CFAP43: variants seen among roughly 807,000 people sequenced by gnomAD.
CFAP43 encodes the protein cilia and flagella associated protein 43, also known as cilia- and flagella-associated protein 43.
A neutral mutation model predicts 218.9 loss-of-function variants in CFAP43; 155 were observed. The ratio of observed to expected loss-of-function variants is 0.71; its 90% CI spans 0.62 to 0.81. The LOEUF is 0.81. Among genes scored for constraint, CFAP43 ranks in the 30% least tolerant of loss-of-function variants. The probability of loss-of-function intolerance (pLI) is 0.00; values close to 1 mark genes in which losing one functional copy is unlikely to be tolerated. For missense variants in CFAP43, 1,778 were observed against 1,954.3 expected (o/e 0.91, Z 1.70); for synonymous variants, 645 against 681.3 (o/e 0.95, Z 0.83).
chr10:104,148,022 G>A (rs761777502), intron 28 of CFAP43, 24 bp from the exon 29 acceptor site: 20 of 1,495,626 alleles, frequency 1.3e-5, no homozygotes, highest in Admixed American at 2.0e-5. Context: ...TAAGAAAAAG[G>A]TTGGTGGAAT....
At chr10:104,162,591 C>T (rs1170638856) in intron 24 of CFAP43, among the ~76,000 whole-genome samples, 188 bp from the exon 25 acceptor site, 1 of 152,022 alleles carries the variant, frequency 6.6e-6, no homozygotes, top group Non-Finnish European at 1.5e-5. Flanking sequence ...TAGATCTTTA[C>T]TTCTCTATTA....
chr10:104,182,348 G>A lies in CFAP43; in HGVS notation c.2289+18C>T, dbSNP rs368496660. The A allele has an allele frequency of 6.5e-7, 1 of 1,547,192 alleles. No individual in the cohort carries two copies. The highest frequency in any genetic ancestry group is 8.7e-7 in the Non-Finnish European group (1 of 1,153,382). Reference sequence around the variant, plus strand: ...GAAAGAAATGTAAGCAAGCAAGCTAGTCATATAGGAACTCAACTGTGTGTT... The same window carrying A: ...GAAAGAAATGTAAGCAAGCAAGCTAATCATATAGGAACTCAACTGTGTGTT... On this transcript the variant is annotated intron_variant, in intron 17 of 37. Coordinates refer to ENST00000357060, the MANE Select transcript of CFAP43 (RefSeq NM_025145.7).
rs138231516 is a variant in CFAP43, at chr10:104,207,112, G to T, written c.895+553C>A. Among the ~76,000 whole-genome samples the T allele has an allele frequency of 9.6e-3, 1,459 of 152,202 alleles. 28 individuals are homozygous for T. The highest frequency in any genetic ancestry group is 0.034 in the African/African-American group (1,411 of 41,528). ...CGCTTGAACCCAGGAGGCGGAGGTT[G>T]CAGTGAGCCAAGATTGCACCACTGC... On this transcript the variant is annotated intron_variant, in intron 6 of 37. Coordinates refer to ENST00000357060, the MANE Select transcript of CFAP43 (RefSeq NM_025145.7).
chr10:104,208,130 T>G (rs2090752194), intron 5 of CFAP43, among the ~76,000 whole-genome samples: 1 of 152,216 alleles, frequency 6.6e-6, no homozygotes, highest in African/African-American at 2.4e-5. Context: ...ATTAAACTGC[T>G]GCTGAATAGT....
chr10:104,212,026 T>C lies in CFAP43; in HGVS notation c.716A>G (p.Lys239Arg). 6.2e-7 allele frequency: 1 copy of C among 1,613,388 alleles called. No individual in the cohort carries two copies. Among genetic ancestry groups the C allele is most frequent in the East Asian group, 2.2e-5 (1 of 44,826 alleles). Residue 239 changes from lysine to arginine, a missense_variant, in exon 5 of 38, where the codon AAA becomes AGA. Around this residue, in one of 3 missense-constraint regions of CFAP43, gnomAD observed 1,553 missense variants for 1,685.2 expected, o/e 0.92. Coordinates refer to ENST00000357060, the MANE Select transcript of CFAP43 (RefSeq NM_025145.7). Reference sequence around the variant, plus strand: ...AATTACCCGGAAAGTCTCTGCCTCTTTGCCTACCAGCCCGGCAATGGCTGA... The same window carrying C: ...AATTACCCGGAAAGTCTCTGCCTCTCTGCCTACCAGCCCGGCAATGGCTGA... ...PLSAIAGLVG[K>R]EAETFRPKDD...
At chr10:104,224,649 G>A (rs814214) in intron 3 of CFAP43, among the ~76,000 whole-genome samples, 1 of 151,020 alleles carries the variant, frequency 6.6e-6, no homozygotes, top group African/African-American at 2.4e-5. Context: ...CAGCTACTCG[G>A]GAGGCTGAGG....
At chr10:104,195,131 G>C (rs1471421133) in intron 10 of CFAP43, among the ~76,000 whole-genome samples, 2 of 152,318 alleles carry the variant, frequency 1.3e-5, no homozygotes, top group African/African-American at 4.8e-5. Context: ...CTAGTGTCCA[G>C]GTATCTTGAC....
chr10:104,206,252 A>C (rs2134957799), intron 6 of CFAP43, among the ~76,000 whole-genome samples: 1 of 152,296 alleles, frequency 6.6e-6, no homozygotes, highest in South Asian at 2.1e-4. Flanking sequence ...TTGGGAGGGA[A>C]GTGAAACCTC....
intron 16 of CFAP43, among the ~76,000 whole-genome samples, chr10:104,184,064 T>C (rs958651831): frequency 6.6e-6 from 1 of 152,164 alleles, no homozygotes; most frequent in South Asian, 2.1e-4. Flanking sequence ...GAAATATTAT[T>C]TTTTCTAAAA....
rs2091285376 is a variant in CFAP43 at position 104,225,522 on chromosome 10, T to C, written c.355A>G (p.Ser119Gly). 6.2e-7 allele frequency: 1 copy of C among 1,612,740 alleles called. No individual in the cohort carries two copies. The highest frequency in any genetic ancestry group is 8.5e-7 in the Non-Finnish European group (1 of 1,179,302). Residue 119 changes from serine (S) to glycine (G), a missense_variant, in exon 3 of 38, where the codon AGT (serine) becomes GGT (glycine). Ser to Gly is a moderately conservative substitution (Grantham distance 56). Coordinates refer to ENST00000357060, the MANE Select transcript of CFAP43 (RefSeq NM_025145.7). The part of the protein sequence containing the change: ...ILLDYTLLSF[S>G]YCGTYLASYS... Reference sequence around the variant, plus strand: ...CTAGCCAGGTAGGTGCCACAGTAACTGAATGAAAGTAAAGTGTAGTCCAGG... The same window carrying C: ...CTAGCCAGGTAGGTGCCACAGTAACCGAATGAAAGTAAAGTGTAGTCCAGG...
chr10:104,210,783 C>CTTTTTTTTTTTTTTTT, intron 5 of CFAP43, among the ~76,000 whole-genome samples: 1 of 75,460 alleles, frequency 1.3e-5, no homozygotes, highest in Non-Finnish European at 2.3e-5. Context: ...GTGAAACACT[C>CTTTTTTTTTTTTTTTT]TTTTTTTTTT....
intron 2 of CFAP43, among the ~76,000 whole-genome samples, chr10:104,230,303 A>G (rs2091415862): frequency 6.6e-6 from 1 of 151,958 alleles, no homozygotes; most frequent in South Asian, 2.1e-4. Flanking sequence ...CATCTCTACT[A>G]AAAATACAAA....
Position 104,185,082 on chromosome 10 carries a change from G to T in CFAP43, c.2075C>A (p.Ser692Ter), listed in dbSNP as rs748022068. The change falls in exon 16 of 38, where the codon TCA (serine) becomes TAA (stop). Residue 692 changes from serine (S) to a stop codon, truncating the protein, a stop_gained. Transcript: ENST00000357060. LOFTEE classifies it high-confidence loss of function. Reference protein sequence around the residue: ...QGHGIQSMRISMDGQNILVNG... With the variant: ...QGHGIQSMRI ...CACCAGAATGTTTTGTCCATCCATTGAAATTCTCATTGACTGAATCCCATG... is the reference window on the plus strand; with the variant it reads ...CACCAGAATGTTTTGTCCATCCATTTAAATTCTCATTGACTGAATCCCATG... 2 of 1,614,100 alleles carry T rather than the reference G, an allele frequency of 1.2e-6. No homozygotes were observed. Among genetic ancestry groups the T allele is most frequent in the Non-Finnish European group, 1.7e-6 (2 of 1,179,998 alleles).
intron 26 of CFAP43, 118 bp downstream of exon 26, chr10:104,161,843 A>G (rs949408154): frequency 5.8e-6 from 5 of 865,084 alleles, no homozygotes; most frequent in Non-Finnish European, 9.0e-6. Flanking sequence ...CGGAGGTTGT[A>G]TAATAGTTGT....
At chr10:104,182,658 T>C in intron 16 of CFAP43, 145 bp from the exon 17 acceptor site, 2 of 717,298 alleles carry the variant, frequency 2.8e-6, no homozygotes, top group Non-Finnish European at 4.0e-6. Context: ...TCACAGTGCC[T>C]TGTGGAAACT....
intron 19 of CFAP43, among the ~76,000 whole-genome samples, chr10:104,174,687 G>A (rs1023767305): frequency 2.0e-5 from 3 of 152,046 alleles, no homozygotes; most frequent in African/African-American, 4.8e-5. Flanking sequence ...ACTTTCACTG[G>A]AGATTACCTT....
rs570472178 is a variant in CFAP43, at chr10:104,184,244, G to C, written c.2141+772C>G. ...TAACTTGGAAGCAAGGATGATAATA[G>C]TACCTCCCTAAAACGGATCCCCTCC... On this transcript the variant is annotated intron_variant, in intron 16 of 37. Coordinates refer to ENST00000357060, the MANE Select transcript of CFAP43 (RefSeq NM_025145.7). Among the ~76,000 whole-genome samples, 34 of 152,236 alleles carry C rather than the reference G, an allele frequency of 2.2e-4. 1 individual carries two copies. The South Asian group carries it at 5.0e-3, about 22-fold the overall frequency.
intron 8 of CFAP43, 166 bp downstream of exon 8, chr10:104,203,506 C>G (rs540113116): frequency 1.8e-6 from 1 of 552,494 alleles, no homozygotes; most frequent in South Asian, 5.1e-5. Context: ...ACCAATAGCT[C>G]TTTGTAATTT....
At chr10:104,206,170 C>A in intron 6 of CFAP43, 140 bp from the exon 7 acceptor site, 1 of 649,586 alleles carries the variant, frequency 1.5e-6, no homozygotes. Context: ...ATGTAACTAA[C>A]ATAGATGCTA....
Sources: gnomAD v4.1 joint callset for allele counts (sites outside exome capture counted in the v4.1 genomes callset) on GRCh38, gnomAD v4.1.1 for gene constraint, gnomAD v4.1.1 regional missense constraint, MANE v1.5 for transcripts, NCBI Gene and HGNC (gene_info 2026-07-23, HGNC 2026-07-21) for gene names.